The following RYR2 variants were observed in gnomAD, a reference collection of about 807,000 sequenced individuals.
RYR2 encodes ryanodine receptor 2, also known as cardiac muscle ryanodine receptor-calcium release channel.
RYR2 carries 227 observed loss-of-function variants against 601.1 expected under a neutral mutation model. The observed-to-expected ratio is 0.38, with a 90% CI of 0.34 to 0.42. The LOEUF (loss-of-function observed/expected upper bound fraction) is 0.42. Ranked by LOEUF, RYR2 falls within the 10% of genes least tolerant of loss-of-function variation. RYR2 has a pLI of 1.00. For missense variants in RYR2, 4,646 were observed against 6,156.5 expected (o/e 0.75, Z 8.21); for synonymous variants, 2,223 against 2,175.1 (o/e 1.02, Z -0.61).
At chr1:237,806,317 A>G in intron 99 of RYR2, 34 bp downstream of exon 99, 1 of 1,574,916 alleles carries the variant, frequency 6.3e-7, no homozygotes, top group Non-Finnish European at 8.6e-7. Context: ...CCTTGCAGAA[A>G]ATAAAAAAGC....
chr1:237,380,077 A>G (rs1701329481), intron 8 of RYR2, among the ~76,000 whole-genome samples: 1 of 151,940 alleles, frequency 6.6e-6, no homozygotes, highest in Non-Finnish European at 1.5e-5. Flanking sequence ...TAGCTTAGAG[A>G]TGCTGAAGGA....
chr1:237,529,481 T>G lies in RYR2; in HGVS notation c.2823-946T>G, dbSNP rs560128305. Among the ~76,000 whole-genome samples the G allele has an allele frequency of 2.6e-5, 4 of 152,188 alleles. No individual in the cohort carries two copies. In the East Asian group the frequency reaches 7.7e-4, roughly 29 times the overall value. On this transcript the variant is annotated intron_variant, in intron 24 of 104. Transcript: ENST00000366574. Reference sequence around the variant, plus strand: ...AGATACTTGTCTATATGGAAATACATATATATAATGTACGTATATGTATAT... The same window carrying G: ...AGATACTTGTCTATATGGAAATACAGATATATAATGTACGTATATGTATAT...
intron 99 of RYR2, among the ~76,000 whole-genome samples, chr1:237,807,001 C>T (rs1660702712): frequency 6.6e-6 from 1 of 152,192 alleles, no homozygotes; most frequent in Non-Finnish European, 1.5e-5. Context: ...TTAACAGACT[C>T]CTTCATTTCC....
At chr1:237,426,911 C>T (rs578220248) in intron 12 of RYR2, among the ~76,000 whole-genome samples, 2 of 152,096 alleles carry the variant, frequency 1.3e-5, no homozygotes, top group African/African-American at 4.8e-5. Flanking sequence ...AATTAACAGG[C>T]AAAATACATC....
At chr1:237,288,435 G>C (rs1463670719) in intron 2 of RYR2, among the ~76,000 whole-genome samples, 1 of 151,930 alleles carries the variant, frequency 6.6e-6, no homozygotes, top group South Asian at 2.1e-4. Flanking sequence ...CATCAGGTAG[G>C]GGAGGGCTAG....
intron 1 of RYR2, among the ~76,000 whole-genome samples, chr1:237,213,919 T>TTTTTTTTTTTTTTTTTTTTTTTTG (rs1682878575): frequency 7.3e-6 from 1 of 136,348 alleles, no homozygotes; most frequent in Non-Finnish European, 1.6e-5. Context: ...CTTTTTCTTT[T>TTTTTTTTTTTTTTTTTTTTTTTTG]TTTTTTTTTT....
intron 2 of RYR2, among the ~76,000 whole-genome samples, chr1:237,296,379 G>A (rs1266507838): frequency 6.6e-6 from 1 of 152,164 alleles, no homozygotes; most frequent in Non-Finnish European, 1.5e-5. Context: ...AGAGGGGATT[G>A]GAGAAGACAA....
intron 80 of RYR2, among the ~76,000 whole-genome samples, chr1:237,746,333 G>A (rs1413493178): frequency 2.6e-5 from 4 of 151,970 alleles, no homozygotes; most frequent in African/African-American, 9.7e-5. Flanking sequence ...CCTATACCTG[G>A]TTAATTATTA....
At chr1:237,350,593 AAAAAAAAAAATATATATATATATAT>A (rs1698712096) in intron 3 of RYR2, among the ~76,000 whole-genome samples, 1 of 96,516 alleles carries the variant, frequency 1.0e-5, no homozygotes, top group African/African-American at 4.2e-5. Flanking sequence ...AAAAAAAAAA[AAAAAAAAAAATATATATATATATAT>A]ATATATATAT....
At chr1:237,678,792 A>G (rs1685616723) in intron 61 of RYR2, among the ~76,000 whole-genome samples, 1 of 152,192 alleles carries the variant, frequency 6.6e-6, no homozygotes, top group Non-Finnish European at 1.5e-5. Context: ...AGGGATGGCC[A>G]TGAATATACA....
At chr1:237,486,168 A>G (rs1572544105) in intron 17 of RYR2, among the ~76,000 whole-genome samples, 1 of 152,208 alleles carries the variant, frequency 6.6e-6, no homozygotes, top group Non-Finnish European at 1.5e-5. Flanking sequence ...GCAATTTTAC[A>G]TATATACGTA....
chr1:237,215,573 A>C (rs370488776), intron 1 of RYR2, among the ~76,000 whole-genome samples: 3 of 152,300 alleles, frequency 2.0e-5, no homozygotes, highest in East Asian at 3.9e-4. Flanking sequence ...AAACTTATCA[A>C]AATACTTGTG....
chr1:237,172,475 T>G (rs1677518027), intron 1 of RYR2, among the ~76,000 whole-genome samples: 1 of 151,916 alleles, frequency 6.6e-6, no homozygotes, highest in Non-Finnish European at 1.5e-5. Flanking sequence ...AAAACGGCTA[T>G]TTTTGATCTT....
intron 24 of RYR2, among the ~76,000 whole-genome samples, chr1:237,520,908 C>T (rs1667021551): frequency 6.6e-6 from 1 of 151,968 alleles, no homozygotes; most frequent in African/African-American, 2.4e-5. Flanking sequence ...TGATGGTGCA[C>T]ACCAGTAATC....
chr1:237,048,425 A>G (rs1323635535), intron 1 of RYR2, among the ~76,000 whole-genome samples: 4 of 151,430 alleles, frequency 2.6e-5, no homozygotes, highest in Non-Finnish European at 4.4e-5. Flanking sequence ...AACCTTCGTC[A>G]TCCTTCCTCC....
chr1:237,408,112 A>C (rs1428505715), intron 10 of RYR2, among the ~76,000 whole-genome samples: 1 of 151,990 alleles, frequency 6.6e-6, no homozygotes, highest in African/African-American at 2.4e-5. Context: ...TGTGCTCTTG[A>C]TATCTAAAAC....
chr1:237,597,428 T>C (rs1460111607), intron 34 of RYR2, among the ~76,000 whole-genome samples: 3 of 151,680 alleles, frequency 2.0e-5, no homozygotes, highest in African/African-American at 7.3e-5. Context: ...ATTATAGGCA[T>C]GCACCACCAC....
chr1:237,288,899 C>T (rs1268246960), intron 2 of RYR2, among the ~76,000 whole-genome samples: 5 of 152,114 alleles, frequency 3.3e-5, no homozygotes, highest in African/African-American at 9.7e-5. Flanking sequence ...AGTTTTACCC[C>T]GTGCTCCTCT....
At chr1:237,803,585 C>A (rs377383210) in intron 98 of RYR2, among the ~76,000 whole-genome samples, 20 of 152,150 alleles carry the variant, frequency 1.3e-4, no homozygotes, top group Non-Finnish European at 2.2e-4. Flanking sequence ...CAAGCGTGAG[C>A]CACCACGCCC....
Sources: allele counts gnomAD v4.1 joint callset (sites outside exome capture counted in the v4.1 genomes callset), GRCh38; gene constraint gnomAD v4.1.1; transcripts MANE v1.5; gene names NCBI Gene and HGNC (gene_info 2026-07-23, HGNC 2026-07-21).